ZSCAN5A: variants seen among roughly 807,000 people sequenced by gnomAD.
ZSCAN5A encodes zinc finger and SCAN domain containing 5A.
ZSCAN5A carries 12 observed loss-of-function variants against 23.7 expected under a neutral mutation model. The observed-to-expected ratio is 0.51, with a 90% CI of 0.32 to 0.82. The LOEUF is 0.82. Among genes scored for constraint, ZSCAN5A ranks in the 40% least tolerant of loss-of-function variants. The pLI, the probability that ZSCAN5A is intolerant of heterozygous loss-of-function variation, is 0.03. For synonymous variants in ZSCAN5A, 257 were observed against 239.9 expected, an observed-to-expected ratio of 1.07 and a Z score of -0.66; for missense variants, 597 against 617.9, an observed-to-expected ratio of 0.97 and a Z score of 0.36.
intron 2 of ZSCAN5A, among the ~76,000 whole-genome samples, chr19:56,334,185 C>G (rs1394233483): frequency 6.6e-6 from 1 of 152,128 alleles, no homozygotes; most frequent in African/African-American, 2.4e-5. Context: ...CCATGGAGAT[C>G]AGATAGGAAA....
At chr19:56,226,811 C>A (rs2033990390) in intron 2 of ZSCAN5A, among the ~76,000 whole-genome samples, 1 of 152,164 alleles carries the variant, frequency 6.6e-6, no homozygotes, top group South Asian at 2.1e-4. Flanking sequence ...CTATTGGGTA[C>A]TATCCTCATA....
At chr19:56,248,162 T>C (rs1197347567) in intron 2 of ZSCAN5A, among the ~76,000 whole-genome samples, 1 of 8,420 alleles carries the variant, frequency 1.2e-4, no homozygotes, top group African/African-American at 2.4e-4. Context: ...AATAAACAAT[T>C]TTTTTTTAGT....
At chr19:56,235,099 G>C (rs951002286) in intron 2 of ZSCAN5A, among the ~76,000 whole-genome samples, 22,642 of 91,690 alleles carry the variant, frequency 0.25, 1,231 homozygotes, top group South Asian at 0.32. Context: ...TCTGATGGAC[G>C]GTGGGCCAAG....
intron 2 of ZSCAN5A, among the ~76,000 whole-genome samples, chr19:56,343,757 A>C (rs932125752): frequency 3.9e-5 from 6 of 152,176 alleles, no homozygotes; most frequent in African/African-American, 1.2e-4. Flanking sequence ...CTTTCTTTAT[A>C]TCTCTCTTAT....
chr19:56,301,595 C>T (rs1212855594), intron 2 of ZSCAN5A, among the ~76,000 whole-genome samples: 1 of 152,080 alleles, frequency 6.6e-6, no homozygotes, highest in African/African-American at 2.4e-5. Flanking sequence ...ACTAAGAATG[C>T]CTTAACCTAC....
chr19:56,234,118 G>A (rs1054077425), intron 2 of ZSCAN5A, among the ~76,000 whole-genome samples: 24 of 152,274 alleles, frequency 1.6e-4, no homozygotes, highest in Non-Finnish European at 3.5e-4. Flanking sequence ...GGAGGTGTGT[G>A]GGATAGCAGC....
At chr19:56,254,725 C>A (rs979716263) in intron 2 of ZSCAN5A, among the ~76,000 whole-genome samples, 5 of 152,112 alleles carry the variant, frequency 3.3e-5, no homozygotes, top group Admixed American at 1.3e-4. Flanking sequence ...ACATCCTTGG[C>A]AAAATTTGTT....
At chr19:56,315,448 A>T (rs1050511609), upstream of ZSCAN5A, 11 of 152,180 alleles carry the variant, frequency 7.2e-5, no homozygotes, top group Non-Finnish European at 2.9e-5. Context: ...GTGCCCTGGG[A>T]GATGAGGGCG....
chr19:56,303,956 C>T (rs965299165), intron 2 of ZSCAN5A, among the ~76,000 whole-genome samples: 5 of 152,132 alleles, frequency 3.3e-5, no homozygotes, highest in Non-Finnish European at 5.9e-5. Context: ...ACCAAAGGAA[C>T]ATCTATGTGA....
chr19:56,295,324 T>C (rs2039794308), intron 2 of ZSCAN5A, among the ~76,000 whole-genome samples: 1 of 152,120 alleles, frequency 6.6e-6, no homozygotes, highest in Non-Finnish European at 1.5e-5. Context: ...CCTGGCATGG[T>C]AGCTCACACC....
At chr19:56,349,362 C>A (rs945161949) in intron 2 of ZSCAN5A, among the ~76,000 whole-genome samples, 7 of 152,096 alleles carry the variant, frequency 4.6e-5, no homozygotes, top group African/African-American at 1.7e-4. Flanking sequence ...GAAGCAACCC[C>A]TGACGGTCCA....
rs1193726784 is a variant in ZSCAN5A at position 56,230,699 on chromosome 19, A to G, written c.-127-5526T>C. 2.6e-5 allele frequency among the ~76,000 whole-genome samples: 4 copies of G among 151,974 alleles called. No individual in the cohort carries two copies. In the East Asian group the frequency reaches 5.8e-4, roughly 22 times the overall value. On this transcript the variant is annotated intron_variant, in intron 2 of 5. Coordinates refer to ENST00000683990, the MANE Select transcript of ZSCAN5A (RefSeq NM_001322064.3). Reference sequence around the variant, plus strand: ...CACCCTCTGAGCAAATTTCAAGTATACAGTACAGATGCTCCTCGACTTACA... The same window carrying G: ...CACCCTCTGAGCAAATTTCAAGTATGCAGTACAGATGCTCCTCGACTTACA...
intron 2 of ZSCAN5A, among the ~76,000 whole-genome samples, chr19:56,306,885 C>T (rs1397881533): frequency 1.6e-5 from 1 of 61,916 alleles, no homozygotes; most frequent in Non-Finnish European, 3.1e-5. Flanking sequence ...GCCTCTCCCA[C>T]GTCGCCAGAG....
intron 2 of ZSCAN5A, among the ~76,000 whole-genome samples, chr19:56,268,695 A>G (rs2037639218): frequency 2.0e-5 from 3 of 152,148 alleles, no homozygotes; most frequent in Admixed American, 2.0e-4. Context: ...CCTTTAGTGC[A>G]TTCTCGATGT....
rs368206594 is a variant in ZSCAN5A, at chr19:56,330,965, CTTGAG to C, written c.-357-14702_-357-14698del. Among the ~76,000 whole-genome samples the C allele has an allele frequency of 9.3e-3, 1,420 of 152,200 alleles. 12 individuals carry two copies. The highest frequency in any genetic ancestry group is 0.031 in the African/African-American group (1,301 of 41,538). On this transcript the variant is annotated intron_variant, in intron 2 of 6. Transcript: ENST00000587340. ...TCTTACATTTAAATCTTTAATTCTT[CTTGAG>C]TTAATTTTTGTATATGGTGAAATGT...
chr19:56,313,861 T>G (rs2041199842), intron 1 of ZSCAN5A, among the ~76,000 whole-genome samples: 1 of 152,186 alleles, frequency 6.6e-6, no homozygotes, highest in Non-Finnish European at 1.5e-5. Flanking sequence ...AATCATCTGG[T>G]GAGAGTTTAC....
At chr19:56,273,140 ATCAC>A (rs1275715952) in intron 2 of ZSCAN5A, among the ~76,000 whole-genome samples, 2 of 152,154 alleles carry the variant, frequency 1.3e-5, no homozygotes, top group Non-Finnish European at 1.5e-5. Flanking sequence ...CCTGGTTTCT[ATCAC>A]TGATTCTGTG....
chr19:56,254,763 TG>T (rs1351860018), intron 2 of ZSCAN5A, among the ~76,000 whole-genome samples: 1 of 152,146 alleles, frequency 6.6e-6, no homozygotes, highest in Non-Finnish European at 1.5e-5. Context: ...AGCAGTGGTG[TG>T]GTTTTGATTT....
intron 2 of ZSCAN5A, chr19:56,245,306 G>T: frequency 1.4e-6 from 1 of 739,004 alleles, no homozygotes; most frequent in East Asian, 2.6e-5. Context: ...TGTCAGAGAT[G>T]ATCCGAGAGG....
Sources: allele counts gnomAD v4.1 joint callset (sites outside exome capture counted in the v4.1 genomes callset), GRCh38; gene constraint gnomAD v4.1.1; transcripts MANE v1.5; gene names NCBI Gene and HGNC (gene_info 2026-07-23, HGNC 2026-07-21).